The following MNAT1 variants were observed in gnomAD, a reference collection of about 807,000 sequenced individuals.
MNAT1 encodes the protein MNAT1 component of CDK activating kinase.
MNAT1 carries 43 observed loss-of-function variants against 42.0 expected under a neutral mutation model. The ratio of observed to expected loss-of-function variants is 1.02; its 90% confidence interval spans 0.80 to 1.32. The LOEUF (loss-of-function observed/expected upper bound fraction) is 1.32, where lower values mean the gene tolerates loss of function less well. Among genes scored for constraint, MNAT1 ranks in the 40% most tolerant of loss-of-function variants. MNAT1 has a pLI of 0.00. For missense variants in MNAT1, 306 were observed against 350.4 expected, an observed-to-expected ratio of 0.87 and a Z score of 1.01; for synonymous variants, 118 against 120.0, an observed-to-expected ratio of 0.98 and a Z score of 0.11.
chr14:60,784,662 T>A (rs2031585926), intron 1 of MNAT1, among the ~76,000 whole-genome samples: 1 of 151,228 alleles, frequency 6.6e-6, no homozygotes, highest in African/African-American at 2.4e-5. Context: ...ATGGGGTTTC[T>A]ACATGTTGGC....
intron 6 of MNAT1, among the ~76,000 whole-genome samples, chr14:60,856,361 G>A (rs918337581): frequency 6.6e-6 from 1 of 152,078 alleles, no homozygotes; most frequent in African/African-American, 2.4e-5. Context: ...AATCCAGGTT[G>A]TAATCCCTAA....
chr14:60,812,015 C>G lies in MNAT1; in HGVS notation c.449C>G (p.Ala150Gly), dbSNP rs2032561619. 6.3e-7 allele frequency: 1 copy of G among 1,599,694 alleles called. No individual in the cohort carries two copies. The highest frequency in any genetic ancestry group is 8.5e-7 in the Non-Finnish European group (1 of 1,175,648). The change falls in exon 5 of 8, where the codon GCT (alanine) becomes GGT (glycine). Residue 150 changes from alanine (A) to glycine (G), a missense_variant. Coordinates refer to ENST00000261245, the MANE Select transcript of MNAT1 (RefSeq NM_002431.4). ...LTREQEELEE[A>G]LEVERQENEQ... ...CGAGAACAGGAAGAACTGGAAGAAG[C>G]TTTAGAAGTGGAACGACAGGAAAAT...
intron 7 of MNAT1, among the ~76,000 whole-genome samples, chr14:60,891,328 T>G: frequency 6.6e-6 from 1 of 152,218 alleles, no homozygotes; most frequent in South Asian, 2.1e-4. Context: ...TTCTCTATTT[T>G]GTTTATTTCT....
chr14:60,747,230 C>T (rs556254222), intron 1 of MNAT1, among the ~76,000 whole-genome samples: 76 of 151,826 alleles, frequency 5.0e-4, no homozygotes, highest in African/African-American at 1.7e-3. Context: ...GTGATCTGCC[C>T]GCCCTGGCCT....
intron 1 of MNAT1, among the ~76,000 whole-genome samples, chr14:60,785,740 A>G (rs1019590635): frequency 2.6e-5 from 4 of 152,210 alleles, no homozygotes; most frequent in African/African-American, 4.8e-5. Flanking sequence ...ACAAGAATGT[A>G]TATTCTTGTA....
At chr14:60,753,088 T>C (rs1157100301) in intron 1 of MNAT1, among the ~76,000 whole-genome samples, 1 of 152,220 alleles carries the variant, frequency 6.6e-6, no homozygotes, top group Non-Finnish European at 1.5e-5. Context: ...TATTGCTGTC[T>C]AACAAATTAT....
chr14:60,760,194 T>C (rs1291056339), intron 1 of MNAT1, among the ~76,000 whole-genome samples: 1 of 152,094 alleles, frequency 6.6e-6, no homozygotes, highest in Non-Finnish European at 1.5e-5. Context: ...ACCTTTACCT[T>C]TTTTTTTCAG....
chr14:60,806,546 A>G (rs778564286), intron 3 of MNAT1, among the ~76,000 whole-genome samples: 7 of 152,202 alleles, frequency 4.6e-5, no homozygotes, highest in Non-Finnish European at 1.0e-4. Flanking sequence ...GCCTAGGTTA[A>G]TGGCTGGGCA....
intron 6 of MNAT1, among the ~76,000 whole-genome samples, chr14:60,821,844 A>G (rs1277163652): frequency 1.3e-5 from 2 of 152,198 alleles, no homozygotes; most frequent in Non-Finnish European, 2.9e-5. Context: ...AATTATTCAA[A>G]AAATTTTTTT....
intron 7 of MNAT1, among the ~76,000 whole-genome samples, chr14:60,917,645 T>C (rs765911067): frequency 1.3e-5 from 2 of 151,036 alleles, no homozygotes; most frequent in Non-Finnish European, 2.9e-5. Context: ...TTTTTTTTTA[T>C]GGAGTCTCAC....
intron 6 of MNAT1, among the ~76,000 whole-genome samples, chr14:60,834,722 T>C (rs2033325409): frequency 6.6e-6 from 1 of 152,148 alleles, no homozygotes; most frequent in Admixed American, 6.6e-5. Flanking sequence ...TGTTAATTTT[T>C]TGTGTTTTTG....
At chr14:60,908,986 T>A (rs2035280758) in intron 7 of MNAT1, among the ~76,000 whole-genome samples, 1 of 152,182 alleles carries the variant, frequency 6.6e-6, no homozygotes, top group Non-Finnish European at 1.5e-5. Flanking sequence ...CAGCACCTGT[T>A]GTTTCCTGAC....
intron 7 of MNAT1, among the ~76,000 whole-genome samples, chr14:60,884,673 T>C (rs966830378): frequency 6.6e-6 from 1 of 152,072 alleles, no homozygotes; most frequent in African/African-American, 2.4e-5. Context: ...TGAAAAGTTG[T>C]AGTTATTATG....
chr14:60,860,094 T>G (rs2034059056), intron 6 of MNAT1, among the ~76,000 whole-genome samples: 1 of 152,148 alleles, frequency 6.6e-6, no homozygotes, highest in Admixed American at 6.5e-5. Flanking sequence ...TGTAACATCA[T>G]TTGTAACATT....
chr14:60,806,685 G>T (rs569091222), intron 3 of MNAT1, among the ~76,000 whole-genome samples: 38 of 152,278 alleles, frequency 2.5e-4, no homozygotes, highest in Admixed American at 7.8e-4. Context: ...ACAAAAATTA[G>T]CCAGGCATGG....
intron 7 of MNAT1, among the ~76,000 whole-genome samples, chr14:60,882,508 A>C (rs538213783): frequency 5.9e-5 from 9 of 152,176 alleles, no homozygotes; most frequent in Non-Finnish European, 1.3e-4. Context: ...ATTGCTTCCA[A>C]ATCTTGGCTA....
chr14:60,864,217 A>G (rs940397673), intron 6 of MNAT1, among the ~76,000 whole-genome samples: 1 of 151,826 alleles, frequency 6.6e-6, no homozygotes, highest in Non-Finnish European at 1.5e-5. Context: ...AAGTACTTAT[A>G]TACTAATGTT....
At chr14:60,961,584 T>TATCCACATTC (rs986040994) in intron 7 of MNAT1, among the ~76,000 whole-genome samples, 3 of 152,238 alleles carry the variant, frequency 2.0e-5, no homozygotes, top group Non-Finnish European at 4.4e-5. Context: ...CTTCTCTTTT[T>TATCCACATTC]ATCCACATTC....
At chr14:60,815,297 C>G (rs1014517086) in intron 5 of MNAT1, among the ~76,000 whole-genome samples, 16 of 151,720 alleles carry the variant, frequency 1.1e-4, no homozygotes, top group African/African-American at 3.9e-4. Context: ...CTCACTGCAA[C>G]CTCTGCCTCC....
Sources: gnomAD v4.1 joint callset for allele counts (sites outside exome capture counted in the v4.1 genomes callset) on GRCh38, gnomAD v4.1.1 for gene constraint, MANE v1.5 for transcripts, NCBI Gene and HGNC (gene_info 2026-07-23, HGNC 2026-07-21) for gene names.